The following SLAIN2 variants were observed in gnomAD, a reference collection of about 807,000 sequenced individuals.
SLAIN2 encodes the protein SLAIN motif-containing protein 2.
A neutral mutation model predicts 56.6 loss-of-function variants in SLAIN2; 31 were observed. The observed-to-expected ratio is 0.55, with a 90% CI of 0.41 to 0.74. The LOEUF (loss-of-function observed/expected upper bound fraction) is 0.74, where lower values mean the gene tolerates loss of function less well. Ranked by LOEUF, SLAIN2 falls within the 30% of genes least tolerant of loss-of-function variation. The probability of loss-of-function intolerance (pLI) is 0.00; values close to 1 mark genes in which losing one functional copy is unlikely to be tolerated. For synonymous variants in SLAIN2, 317 were observed against 284.9 expected (o/e 1.11, Z -1.13); for missense variants, 777 against 754.2 (o/e 1.03, Z -0.35).
intron 1 of SLAIN2, among the ~76,000 whole-genome samples, chr4:48,349,218 T>C (rs961295442): frequency 6.6e-6 from 1 of 152,136 alleles, no homozygotes; most frequent in Non-Finnish European, 1.5e-5. Flanking sequence ...GTCTGTGTAG[T>C]CTAGAATGTG....
At chr4:48,411,911 C>G (rs1466590729) in intron 6 of SLAIN2, among the ~76,000 whole-genome samples, 1 of 152,120 alleles carries the variant, frequency 6.6e-6, no homozygotes, top group African/African-American at 2.4e-5. Flanking sequence ...GTATTTTGGG[C>G]CTCATGGAGA....
At chr4:48,376,913 CTT>C (rs11347630) in intron 2 of SLAIN2, among the ~76,000 whole-genome samples, 109 of 111,728 alleles carry the variant, frequency 9.8e-4, no homozygotes, top group African/African-American at 2.3e-3. Context: ...GCCCGGCCGA[CTT>C]TTTTTTTTTT....
chr4:48,343,675 A>G (rs1381833911), intron 1 of SLAIN2, among the ~76,000 whole-genome samples: 1 of 152,224 alleles, frequency 6.6e-6, no homozygotes, highest in Admixed American at 6.5e-5. Flanking sequence ...AAGTGAGGAA[A>G]GAGCGGGAAG....
At chr4:48,392,066 G>A (rs1716248059) in intron 6 of SLAIN2, among the ~76,000 whole-genome samples, 1 of 152,098 alleles carries the variant, frequency 6.6e-6, no homozygotes, top group Non-Finnish European at 1.5e-5. Context: ...AAGATTCAGA[G>A]TTTCACTTAA....
chr4:48,364,694 C>T (rs1715459753), intron 1 of SLAIN2, among the ~76,000 whole-genome samples: 1 of 128,782 alleles, frequency 7.8e-6, no homozygotes, highest in Non-Finnish European at 1.7e-5. Flanking sequence ...GCCAACACAG[C>T]GAAACCCTGT....
At position 48,410,707 on chromosome 4, in the gene SLAIN2, C is replaced by T. The variant is rs866496178; in HGVS notation, c.1361-9418C>T. Among the ~76,000 whole-genome samples the T allele has an allele frequency of 2.6e-5, 4 of 152,314 alleles. 1 individual carries two copies. Among genetic ancestry groups the T allele is most frequent in the Middle Eastern group, 3.4e-3 (1 of 294 alleles). On this transcript the variant is annotated intron_variant, in intron 6 of 7. Coordinates refer to ENST00000264313, the MANE Select transcript of SLAIN2 (RefSeq NM_020846.2). ...GGACCATGCTCTTCTATTCCTTTTTCAATCCCTGTGGGCAAGGATGTAAAC... is the reference window on the plus strand; with the variant it reads ...GGACCATGCTCTTCTATTCCTTTTTTAATCCCTGTGGGCAAGGATGTAAAC...
intron 3 of SLAIN2, among the ~76,000 whole-genome samples, chr4:48,378,449 G>A (rs1415011119): frequency 6.6e-6 from 1 of 152,200 alleles, no homozygotes; most frequent in Non-Finnish European, 1.5e-5. Context: ...ATAATAGTAT[G>A]AGGTTAGAGG....
At chr4:48,419,632 T>C (rs1452527149) in intron 6 of SLAIN2, among the ~76,000 whole-genome samples, 2 of 152,222 alleles carry the variant, frequency 1.3e-5, no homozygotes, top group Admixed American at 6.5e-5. Flanking sequence ...TTTTTAAAAA[T>C]GATTTTTAGT....
intron 7 of SLAIN2, among the ~76,000 whole-genome samples, chr4:48,421,590 A>G (rs186040052): frequency 1.3e-5 from 2 of 152,274 alleles, no homozygotes; most frequent in African/African-American, 4.8e-5. Flanking sequence ...TAATAAAACT[A>G]TGAGTTCCAA....
rs761272695 is a variant in SLAIN2, at chr4:48,342,711, CTTTTTTTT to C, written c.389+600_389+607del. Among the ~76,000 whole-genome samples, 9 of 65,946 alleles carry C rather than the reference CTTTTTTTT, an allele frequency of 1.4e-4. No homozygotes were observed. In the South Asian group the frequency reaches 2.7e-3, roughly 20 times the overall value. The allele number at this position is 65,946 out of a possible 152,430, so 43.3% of individuals were successfully genotyped here. ...GAAGAGAGGGCAGAGGATGGTGCTGCTTTTTTTTTTTTTTTTTTTTTTTTGTTACTCTG... is the reference window on the plus strand; with the variant it reads ...GAAGAGAGGGCAGAGGATGGTGCTGCTTTTTTTTTTTTTTTTGTTACTCTG... On this transcript the variant is annotated intron_variant, in intron 1 of 7. Transcript: ENST00000264313.
At chr4:48,343,775 A>G (rs1185050477) in intron 1 of SLAIN2, among the ~76,000 whole-genome samples, 2 of 152,236 alleles carry the variant, frequency 1.3e-5, no homozygotes, top group South Asian at 2.1e-4. Context: ...ACTCTTGAGT[A>G]TATGATGACA....
At chr4:48,350,431 T>G (rs1255509613) in intron 1 of SLAIN2, among the ~76,000 whole-genome samples, 1 of 152,230 alleles carries the variant, frequency 6.6e-6, no homozygotes, top group Non-Finnish European at 1.5e-5. Flanking sequence ...TTTTTTAAAA[T>G]GGCAATTTGG....
chr4:48,410,547 G>A (rs1054249943), intron 6 of SLAIN2, among the ~76,000 whole-genome samples: 1 of 152,102 alleles, frequency 6.6e-6, no homozygotes, highest in African/African-American at 2.4e-5. Flanking sequence ...TACCCCACCT[G>A]CTCTTGCCAG....
chr4:48,413,773 A>C (rs1222521768), intron 6 of SLAIN2, among the ~76,000 whole-genome samples: 3 of 152,202 alleles, frequency 2.0e-5, no homozygotes, highest in Non-Finnish European at 4.4e-5. Flanking sequence ...TAAATTATGC[A>C]GCTAAGGGAA....
intron 6 of SLAIN2, among the ~76,000 whole-genome samples, chr4:48,417,949 C>T (rs1717038762): frequency 6.6e-6 from 1 of 152,100 alleles, no homozygotes; most frequent in Admixed American, 6.6e-5. Context: ...GTATTTTTAT[C>T]CAGTTCTGTG....
chr4:48,361,799 A>G (rs539661274), intron 1 of SLAIN2, among the ~76,000 whole-genome samples: 2 of 146,948 alleles, frequency 1.4e-5, no homozygotes, highest in South Asian at 4.7e-4. Flanking sequence ...GTTCAGATCT[A>G]TAAACATGGT....
At chr4:48,364,052 G>A (rs1481381460) in intron 1 of SLAIN2, among the ~76,000 whole-genome samples, 4 of 89,940 alleles carry the variant, frequency 4.4e-5, no homozygotes, top group Non-Finnish European at 5.2e-5. Flanking sequence ...GGTGGCTGCC[G>A]GGCGGAGAGG....
chr4:48,419,737 G>A (rs1717097830), intron 6 of SLAIN2, among the ~76,000 whole-genome samples: 1 of 152,106 alleles, frequency 6.6e-6, no homozygotes, highest in Admixed American at 6.5e-5. Flanking sequence ...TCTTTTCAGG[G>A]GAAATACATT....
chr4:48,383,844 A>G (rs769317632), intron 6 of SLAIN2, 60 bp downstream of exon 6: 4 of 1,530,172 alleles, frequency 2.6e-6, no homozygotes, highest in Admixed American at 1.9e-5. Context: ...AAAATTTTAG[A>G]TATTTGTTTT....
Sources: gnomAD v4.1 joint callset for allele counts (sites outside exome capture counted in the v4.1 genomes callset) on GRCh38, gnomAD v4.1.1 for gene constraint, MANE v1.5 for transcripts, NCBI Gene and HGNC (gene_info 2026-07-23, HGNC 2026-07-21) for gene names.